The following SYMPK variants were observed in gnomAD, a reference collection of about 807,000 sequenced individuals.
SYMPK encodes symplekin.
In SYMPK, 49 loss-of-function variants were observed where a neutral mutation model predicts 136.4. That is an observed-to-expected ratio of 0.36 (90% CI 0.29 to 0.46). SYMPK has a LOEUF of 0.46. Ranked by LOEUF, SYMPK falls within the 20% of genes least tolerant of loss-of-function variation. SYMPK has a pLI of 1.00. For synonymous variants in SYMPK, 766 were observed against 713.0 expected, an observed-to-expected ratio of 1.07 and a Z score of -1.19; for missense variants, 1,365 against 1,690.0, an observed-to-expected ratio of 0.81 and a Z score of 3.37.
At chr19:45,834,351 C>T (rs770402628) in intron 11 of SYMPK, among the ~76,000 whole-genome samples, 3 of 151,514 alleles carry the variant, frequency 2.0e-5, no homozygotes, top group East Asian at 1.9e-4. Context: ...CCCAGCTACT[C>T]GGGAGGCTGA....
At chr19:45,826,471 G>C in intron 16 of SYMPK, 98 bp from the exon 17 acceptor site, 1 of 1,362,778 alleles carries the variant, frequency 7.3e-7, no homozygotes, top group Non-Finnish European at 1.0e-6. Context: ...AAACAAGCCC[G>C]AGGCTGAGAA....
chr19:45,829,299 A>C, intron 13 of SYMPK, 94 bp from the exon 14 acceptor site: 1 of 1,104,154 alleles, frequency 9.1e-7, no homozygotes, highest in Non-Finnish European at 1.3e-6. Flanking sequence ...AGACGCAGGA[A>C]CTCTCAGAGC....
At position 45,821,163 on chromosome 19, in the gene SYMPK, GGGTAAAACCT is replaced by G; in HGVS notation, c.2893+211_2893+220del. On this transcript the variant is annotated intron_variant, in intron 22 of 26. Coordinates refer to ENST00000245934, the MANE Select transcript of SYMPK (RefSeq NM_004819.3). The surrounding 1 kb of genome is among the most constrained non-coding windows in gnomAD (Gnocchi z 4.4). The stretch of plus-strand genomic sequence containing the variant: ...GAGGCAGAAAAAGGTGGGTTGTAAA[GGGTAAAACCT>G]GGGAGGAAGGAAGGAGGAGGGAGGG... 1.5e-6 allele frequency: 1 copy of G among 683,440 alleles called. No homozygotes were observed. The highest frequency in any genetic ancestry group is 2.1e-5 in the Admixed American group (1 of 48,724). The allele number at this position is 683,440 out of a possible 1,614,324, so 42.3% of individuals were successfully genotyped here.
Position 45,816,485 on chromosome 19 carries a change from C to G in SYMPK, c.3351G>C (p.Glu1117Asp). ...GGGTGGGCTGCAGGGCCCTCACCTC[C>G]TCCAAGGGCCCCGCAGGCGCCTCCT... ...EAKEAPAGPL[E>D]EDDLEPLTLA... The change falls in exon 25 of 27, where the codon GAG (glutamate) becomes GAC (aspartate). Residue 1117 changes from glutamate (E) to aspartate (D), a missense_variant. Physicochemically the swap from Glu to Asp is conservative, Grantham distance 45. Coordinates refer to ENST00000245934, the MANE Select transcript of SYMPK (RefSeq NM_004819.3). 6.2e-7 allele frequency: 1 copy of G among 1,611,772 alleles called. No individual in the cohort carries two copies. The highest frequency in any genetic ancestry group is 1.1e-5 in the South Asian group (1 of 90,984).
chr19:45,839,647 G>A (rs1423676291), intron 9 of SYMPK, among the ~76,000 whole-genome samples: 3 of 151,958 alleles, frequency 2.0e-5, no homozygotes, highest in African/African-American at 4.8e-5. Flanking sequence ...TGGCTAACAC[G>A]GTGAAACCCC....
Position 45,827,929 on chromosome 19 carries a change from TGGAG to T in SYMPK, c.1986-15_1986-12del, listed in dbSNP as rs1971085099. The T allele has an allele frequency of 6.2e-7, 1 of 1,613,408 alleles. No individual in the cohort carries two copies. Among genetic ancestry groups the T allele is most frequent in the Middle Eastern group, 1.6e-4 (1 of 6,062 alleles). ...ACCTTGGTGAAGATCCTGCCAGAGATGGAGGGAGGGCCATGGCTGCAGAGGAAGA... is the reference window on the plus strand; with the variant it reads ...ACCTTGGTGAAGATCCTGCCAGAGATGGAGGGCCATGGCTGCAGAGGAAGA... On this transcript the variant is annotated splice_polypyrimidine_tract_variant and intron_variant, in intron 14 of 26. Transcript: ENST00000245934.
chr19:45,815,989 G>A lies in SYMPK; in HGVS notation c.3549C>T (p.Pro1183=), dbSNP rs1475342866. The change falls in exon 26 of 27, where the codon CCC becomes CCT. Residue 1183 remains proline (P), a synonymous_variant. Coordinates refer to ENST00000245934, the MANE Select transcript of SYMPK (RefSeq NM_004819.3). ...SPSPSARPGP[P]PSEEAMDFRE... ...GGAAATCCATGGCTTCCTCAGACGG[G>A]GGCGGGCCTGGCCGGGCCGACGGAG... The A allele has an allele frequency of 6.2e-7, 1 of 1,607,102 alleles. No homozygotes were observed. The highest frequency in any genetic ancestry group is 1.3e-5 in the African/African-American group (1 of 75,012).
At chr19:45,847,348 CG>C (rs1971586683) in intron 7 of SYMPK, among the ~76,000 whole-genome samples, 1 of 151,472 alleles carries the variant, frequency 6.6e-6, no homozygotes, top group South Asian at 2.1e-4. Context: ...CTCTTGAACC[CG>C]GAAGGCGGAG....
chr19:45,859,650 C>T (rs1466510060), intron 1 of SYMPK, among the ~76,000 whole-genome samples: 2 of 148,676 alleles, frequency 1.3e-5, no homozygotes, highest in East Asian at 2.0e-4. Context: ...AAAAATAGGA[C>T]GGGTATAGTG....
rs533354246 is a variant in SYMPK, at chr19:45,861,349, C to T, written c.-13+1709G>A. ...TTGTTCTTTTTTAAACACACATACA[C>T]AAAATTCTCCTGCAGGAGCTAGATT... is the stretch of plus-strand genomic sequence containing the variant. On this transcript the variant is annotated intron_variant, in intron 1 of 26. Transcript: ENST00000245934. Among the ~76,000 whole-genome samples the T allele has an allele frequency of 3.5e-3, 527 of 151,894 alleles. 6 individuals are homozygous for T. The highest frequency in any genetic ancestry group is 0.012 in the African/African-American group (498 of 41,390).
chr19:45,816,609 G>T, intron 24 of SYMPK, 32 bp from the exon 25 acceptor site: 2 of 1,612,186 alleles, frequency 1.2e-6, no homozygotes, highest in Non-Finnish European at 1.7e-6. Context: ...GGCGCTGGGG[G>T]CAGCTCTGGC....
At chr19:45,819,598 T>C (rs1366544304) in intron 22 of SYMPK, 1 of 152,248 alleles carries the variant, frequency 6.6e-6, no homozygotes, top group Non-Finnish European at 1.5e-5. Flanking sequence ...AGGCCACCCC[T>C]CTCAGTTGTT....
chr19:45,860,556 T>C (rs1971942344), intron 1 of SYMPK, among the ~76,000 whole-genome samples: 2 of 152,108 alleles, frequency 1.3e-5, no homozygotes, highest in Middle Eastern at 3.2e-3. Context: ...AATTCTAAGA[T>C]ATACATATTA....
At chr19:45,846,489 T>C (rs1354822563) in intron 7 of SYMPK, among the ~76,000 whole-genome samples, 4 of 152,124 alleles carry the variant, frequency 2.6e-5, no homozygotes, top group African/African-American at 9.7e-5. Flanking sequence ...GATGCCATAA[T>C]AACGATCCCC....
intron 21 of SYMPK, among the ~76,000 whole-genome samples, chr19:45,822,155 GT>G (rs1326275109): frequency 8.3e-6 from 1 of 120,404 alleles, no homozygotes; most frequent in African/African-American, 3.3e-5. Flanking sequence ...GTCTCACTCT[GT>G]CATCCAGGCT....
intron 1 of SYMPK, among the ~76,000 whole-genome samples, chr19:45,859,953 TAAAAAAAA>T (rs61203536): frequency 5.8e-5 from 5 of 85,668 alleles, no homozygotes; most frequent in African/African-American, 1.8e-4. Context: ...AGACTCCATC[TAAAAAAAA>T]AAAAAAAAAA....
At chr19:45,824,010 G>T in intron 18 of SYMPK, 135 bp from the exon 19 acceptor site, 56 of 481,052 alleles carry the variant, frequency 1.2e-4, no homozygotes, top group East Asian at 1.8e-4. Flanking sequence ...GAGGGCGGGG[G>T]AAAGGTGGGG....
At chr19:45,828,570 A>G (rs767510880) in intron 14 of SYMPK, 12 of 226,530 alleles carry the variant, frequency 5.3e-5, no homozygotes, top group Admixed American at 2.1e-4. Context: ...TGTGGAGGAT[A>G]GACGAGTAAG....
intron 7 of SYMPK, among the ~76,000 whole-genome samples, chr19:45,844,830 A>C (rs369958149): frequency 6.6e-6 from 1 of 152,194 alleles, no homozygotes; most frequent in Admixed American, 6.5e-5. Context: ...ACTTTGGTGG[A>C]TATCTTTCCA....
Sources: allele counts gnomAD v4.1 joint callset (sites outside exome capture counted in the v4.1 genomes callset), GRCh38; gene constraint gnomAD v4.1.1; non-coding constraint Gnocchi (gnomAD v3.1); transcripts MANE v1.5; gene names NCBI Gene and HGNC (gene_info 2026-07-23, HGNC 2026-07-21).